ERICH1: variants seen among roughly 807,000 people sequenced by gnomAD.
The protein encoded by ERICH1 is glutamate-rich protein 1.
ERICH1 carries 56 observed loss-of-function variants against 39.6 expected under a neutral mutation model. The ratio of observed to expected loss-of-function variants is 1.41; its 90% confidence interval spans 1.14 to 1.77. The LOEUF is 1.77. Among genes scored for constraint, ERICH1 ranks in the 40% most tolerant of loss-of-function variants. ERICH1 has a pLI of 0.00. For synonymous variants in ERICH1, 313 were observed against 223.6 expected, an observed-to-expected ratio of 1.40 and a Z score of -3.57; for missense variants, 826 against 575.4, an observed-to-expected ratio of 1.44 and a Z score of -4.45.
At chr8:671,522 G>A (rs1319371457) in intron 4 of ERICH1, among the ~76,000 whole-genome samples, 13 of 145,402 alleles carry the variant, frequency 8.9e-5, no homozygotes, top group African/African-American at 3.3e-4. Context: ...CTGGGCTCCA[G>A]GCTCCGACCT....
At chr8:705,064 T>C (rs2132240511) in intron 2 of ERICH1, among the ~76,000 whole-genome samples, 1 of 152,342 alleles carries the variant, frequency 6.6e-6, no homozygotes, top group Non-Finnish European at 1.5e-5. Context: ...TTGGGACAAA[T>C]GGAATTATCA....
intron 3 of ERICH1, among the ~76,000 whole-genome samples, chr8:653,156 A>G (rs1013292344): frequency 2.0e-5 from 3 of 152,242 alleles, no homozygotes; most frequent in Admixed American, 6.5e-5. Flanking sequence ...ACACCCATGT[A>G]CAGAGTAACA....
At chr8:641,205 G>C (rs933858908) in intron 3 of ERICH1, 2 of 152,154 alleles carry the variant, frequency 1.3e-5, no homozygotes, top group African/African-American at 4.8e-5. Context: ...TCATTTGCTG[G>C]AGTCTGACCA....
intron 1 of ERICH1, among the ~76,000 whole-genome samples, chr8:723,692 G>A (rs1186128635): frequency 6.6e-6 from 1 of 152,132 alleles, no homozygotes; most frequent in Admixed American, 6.5e-5. Context: ...ACATTTATTA[G>A]GGTTATTGTA....
chr8:689,491 G>T (rs1037215534), intron 3 of ERICH1, among the ~76,000 whole-genome samples: 10 of 152,186 alleles, frequency 6.6e-5, no homozygotes, highest in Non-Finnish European at 2.9e-5. Flanking sequence ...CCCTGAACGA[G>T]GCTTTCAGAT....
intron 3 of ERICH1, among the ~76,000 whole-genome samples, chr8:623,740 C>T (rs916446743): frequency 1.3e-5 from 2 of 152,176 alleles, no homozygotes; most frequent in East Asian, 1.9e-4. Flanking sequence ...TACACTAACA[C>T]AAAGACTAAC....
At chr8:731,054 G>A (rs1585787670) in intron 1 of ERICH1, 86 bp downstream of exon 1, 2 of 1,344,866 alleles carry the variant, frequency 1.5e-6, no homozygotes, top group Non-Finnish European at 9.6e-7. Flanking sequence ...GAAAGGGGCC[G>A]GGGTCGGGGT....
chr8:616,225 C>A (rs1371664851), intron 3 of ERICH1: 5 of 233,776 alleles, frequency 2.1e-5, no homozygotes, highest in Admixed American at 2.0e-4. Flanking sequence ...CATAAGCCCA[C>A]GAGTTTCTCT....
In ERICH1 at chr8:712,859, C is replaced by T. The variant is rs138040545; in HGVS notation, c.169+3002G>A. ...GCTTCTTTCAGATTTTCATTACCTG[C>T]TTTTTCTTTAAAAACTTTGTTATAC... On this transcript the variant is annotated intron_variant, in intron 2 of 5. Coordinates refer to ENST00000262109, the MANE Select transcript of ERICH1 (RefSeq NM_207332.3). Among the ~76,000 whole-genome samples the T allele has an allele frequency of 4.6e-3, 696 of 152,326 alleles. 2 individuals are homozygous for T. Among genetic ancestry groups the T allele is most frequent in the African/African-American group, 0.016 (651 of 41,568 alleles).
At chr8:655,566 G>T (rs949372645) in intron 3 of ERICH1, among the ~76,000 whole-genome samples, 1 of 152,266 alleles carries the variant, frequency 6.6e-6, no homozygotes, top group East Asian at 1.9e-4. Context: ...AGTGGATCAC[G>T]CAGCAACCTT....
At chr8:633,088 A>G (rs1381767384) in intron 3 of ERICH1, among the ~76,000 whole-genome samples, 2 of 152,136 alleles carry the variant, frequency 1.3e-5, no homozygotes, top group Non-Finnish European at 2.9e-5. Context: ...CCCAGGACAG[A>G]CGGAAACCAG....
At chr8:693,367 T>C (rs532315530) in intron 2 of ERICH1, among the ~76,000 whole-genome samples, 1 of 152,394 alleles carries the variant, frequency 6.6e-6, no homozygotes, top group Non-Finnish European at 1.5e-5. Flanking sequence ...GAATACAGTG[T>C]GTTAAAATGA....
downstream of ERICH1, among the ~76,000 whole-genome samples, chr8:661,207 G>A (rs1272086570): frequency 1.3e-5 from 2 of 151,792 alleles, no homozygotes; most frequent in East Asian, 1.9e-4. Flanking sequence ...AGAGCCCCGG[G>A]ATGAGAGGAC....
chr8:715,764 TGCCCGAG>T, intron 2 of ERICH1, 90 bp downstream of exon 2: 1 of 1,497,394 alleles, frequency 6.7e-7, no homozygotes, highest in Non-Finnish European at 9.0e-7. Context: ...TGCAGACAGA[TGCCCGAG>T]GCCCAAAAGA....
chr8:688,250 C>G (rs1490500098), intron 3 of ERICH1, among the ~76,000 whole-genome samples: 1 of 151,616 alleles, frequency 6.6e-6, no homozygotes, highest in Non-Finnish European at 1.5e-5. Context: ...AAAGGTAAAG[C>G]GGCACCCCGC....
chr8:654,845 C>A (rs1800416192), intron 3 of ERICH1, among the ~76,000 whole-genome samples: 2 of 152,108 alleles, frequency 1.3e-5, no homozygotes, highest in African/African-American at 2.4e-5. Context: ...AGGAGAGGAC[C>A]CCCCGAGTAG....
intron 3 of ERICH1, among the ~76,000 whole-genome samples, chr8:651,678 G>C (rs945980118): frequency 4.2e-5 from 6 of 142,050 alleles, no homozygotes; most frequent in Admixed American, 4.1e-4. Flanking sequence ...CGGGCAGGGT[G>C]GGGGAGAAGA....
chr8:701,919 G>C (rs1415047927), intron 2 of ERICH1, among the ~76,000 whole-genome samples: 1 of 151,864 alleles, frequency 6.6e-6, no homozygotes, highest in South Asian at 2.1e-4. Context: ...GTGAAACCTC[G>C]TCTCTACTAA....
At chr8:638,952 C>T (rs1296936428) in intron 3 of ERICH1, among the ~76,000 whole-genome samples, 1 of 152,116 alleles carries the variant, frequency 6.6e-6, no homozygotes, top group Non-Finnish European at 1.5e-5. Flanking sequence ...AACCCATAAA[C>T]GCCTATCTTT....
Sources: gnomAD v4.1 joint callset for allele counts (sites outside exome capture counted in the v4.1 genomes callset) on GRCh38, gnomAD v4.1.1 for gene constraint, MANE v1.5 for transcripts, NCBI Gene and HGNC (gene_info 2026-07-23, HGNC 2026-07-21) for gene names.